Variants in NUP98 observed in about 807,000 individuals in gnomAD.
NUP98 encodes nucleoporin 98 and 96 precursor.
A neutral mutation model predicts 191.9 loss-of-function variants in NUP98; 26 were observed. The ratio of observed to expected loss-of-function variants is 0.14; its 90% CI spans 0.10 to 0.19. The LOEUF is 0.19. Among genes scored for constraint, NUP98 ranks in the 10% least tolerant of loss-of-function variants. NUP98 has a pLI of 1.00. For missense variants in NUP98, 1,941 were observed against 2,178.8 expected (o/e 0.89, Z 2.17); for synonymous variants, 808 against 778.4 (o/e 1.04, Z -0.63).
intron 25 of NUP98, among the ~76,000 whole-genome samples, chr11:3,697,872 A>G (rs142355310): frequency 9.6e-4 from 145 of 151,528 alleles, no homozygotes; most frequent in African/African-American, 3.4e-3. Flanking sequence ...GTCATTAAGT[A>G]CTTGCTGAAT....
chr11:3,781,085 C>T (rs2133945655), intron 2 of NUP98, among the ~76,000 whole-genome samples: 1 of 148,236 alleles, frequency 6.7e-6, no homozygotes, highest in Admixed American at 6.9e-5. Context: ...ACTTAGGAGG[C>T]TGAGGTATGA....
rs185329680 is a variant in NUP98 at position 3,758,416 on chromosome 11, G to C, written c.1174+2123C>G. The stretch of plus-strand genomic sequence containing the variant: ...TAGTCTACAAACGGTCCATGGGGAA[G>C]GGTAAGTGATAATAGAAAAGGTTGA... On this transcript the variant is annotated intron_variant, in intron 10 of 32. Transcript: ENST00000324932. Among the ~76,000 whole-genome samples, 42 of 152,264 alleles carry C rather than the reference G, an allele frequency of 2.8e-4. No homozygotes were observed. The South Asian group carries it at 7.7e-3, about 28-fold the overall frequency.
chr11:3,694,672 G>A (rs560876837), intron 26 of NUP98, among the ~76,000 whole-genome samples: 3 of 151,876 alleles, frequency 2.0e-5, no homozygotes, highest in African/African-American at 4.8e-5. Context: ...CTTGGGAGGC[G>A]GAGCTTGCAG....
intron 1 of NUP98, among the ~76,000 whole-genome samples, chr11:3,794,959 A>T (rs915373409): frequency 6.6e-6 from 1 of 152,196 alleles, no homozygotes; most frequent in Admixed American, 6.5e-5. Flanking sequence ...CTAACCTTTC[A>T]ACAAATTACA....
chr11:3,697,379 TG>T (rs1176597302), intron 25 of NUP98: 1 of 152,232 alleles, frequency 6.6e-6, no homozygotes, highest in Non-Finnish European at 1.5e-5. Context: ...ATCCCAAAAG[TG>T]GCAAAACTCT....
At chr11:3,751,536 T>C (rs2080752418) in intron 11 of NUP98, among the ~76,000 whole-genome samples, 1 of 152,170 alleles carries the variant, frequency 6.6e-6, no homozygotes, top group Non-Finnish European at 1.5e-5. Context: ...AATTTCTGAA[T>C]TGTTAAAAAC....
intron 15 of NUP98, among the ~76,000 whole-genome samples, chr11:3,724,054 T>C (rs941521001): frequency 1.3e-5 from 2 of 151,920 alleles, no homozygotes; most frequent in African/African-American, 4.8e-5. Context: ...TGGAAAGGCA[T>C]TTCTAATAAA....
intron 10 of NUP98, among the ~76,000 whole-genome samples, chr11:3,758,173 T>C (rs1210109852): frequency 1.3e-5 from 2 of 151,468 alleles, no homozygotes; most frequent in African/African-American, 4.8e-5. Context: ...AAGAAAAAAT[T>C]AGCCGGGGGT....
rs397752128 is a variant in NUP98, at chr11:3,768,776, G to T, written c.785-32C>A. The stretch of plus-strand genomic sequence containing the variant: ...GGAAAAAGAAAAAAAAAAGAAAAAA[G>T]AAATAATAAAAAAAATGTAAACACC... On this transcript the variant is annotated intron_variant, in intron 7 of 32. Transcript: ENST00000324932. 4.2e-6 allele frequency: 6 copies of T among 1,430,960 alleles called. No individual in the cohort carries two copies. In the African/African-American group the frequency reaches 4.4e-5, roughly 11 times the overall value. 88.6% of individuals were successfully genotyped at this position (1,430,960 alleles called of 1,614,324 possible). A position where few individuals can be genotyped will look rare whatever the true frequency, so the allele number is the denominator to read the frequency against.
chr11:3,751,488 A>C (rs1277390672), intron 11 of NUP98, among the ~76,000 whole-genome samples: 2 of 152,180 alleles, frequency 1.3e-5, no homozygotes, highest in Admixed American at 6.5e-5. Flanking sequence ...AAACAACCCT[A>C]ATCATTTCAC....
chr11:3,739,050 A>C (rs2080181348), intron 12 of NUP98, among the ~76,000 whole-genome samples: 1 of 152,156 alleles, frequency 6.6e-6, no homozygotes, highest in Non-Finnish European at 1.5e-5. Context: ...TCTAAAAGTA[A>C]ATACAATTAC....
At chr11:3,682,871 TG>T (rs1348466508) in intron 30 of NUP98, among the ~76,000 whole-genome samples, 3 of 152,104 alleles carry the variant, frequency 2.0e-5, no homozygotes, top group Admixed American at 2.0e-4. Flanking sequence ...CAATGGAAAA[TG>T]TGAAGAATTT....
At chr11:3,792,031 T>C (rs1365177303) in intron 1 of NUP98, among the ~76,000 whole-genome samples, 1 of 149,240 alleles carries the variant, frequency 6.7e-6, no homozygotes, top group Non-Finnish European at 1.5e-5. Flanking sequence ...TACAAAAAAT[T>C]AGCCGGGCAT....
chr11:3,738,720 G>A (rs2080166897), intron 12 of NUP98, among the ~76,000 whole-genome samples: 1 of 138,438 alleles, frequency 7.2e-6, no homozygotes, highest in African/African-American at 2.6e-5. Context: ...AGAGGCTGCA[G>A]TGAGCCAAGA....
chr11:3,689,857 G>A (rs959497591), intron 28 of NUP98, among the ~76,000 whole-genome samples: 3 of 150,976 alleles, frequency 2.0e-5, no homozygotes, highest in African/African-American at 7.3e-5. Flanking sequence ...GGCTGGCCTC[G>A]AACTCCTGGG....
chr11:3,723,513 A>G, intron 15 of NUP98, 58 bp from the exon 16 acceptor site: 1 of 1,440,606 alleles, frequency 6.9e-7, no homozygotes, highest in Non-Finnish European at 9.6e-7. Context: ...CAATGATAAT[A>G]GCTAACTAAT....
At chr11:3,694,036 G>A (rs2134069187) in intron 26 of NUP98, among the ~76,000 whole-genome samples, 1 of 150,064 alleles carries the variant, frequency 6.7e-6, no homozygotes, top group Non-Finnish European at 1.5e-5. Context: ...TTCCAGACCA[G>A]CCTGGCCAAC....
In NUP98 at chr11:3,725,135, A is replaced by C; in HGVS notation, c.1815T>G (p.Ala605=). ...CATTTTCTGGATATTCAGATGGTGA[A>C]GCTAGATTTTCTGAATCACGATTAA... ...SPVNRDSENL[A]SPSEYPENGE... is the part of the protein sequence containing the mutation. The change falls in exon 15 of 33, where the codon GCT becomes GCG. Residue 605 remains alanine, a synonymous_variant. Coordinates refer to ENST00000324932, the MANE Select transcript of NUP98 (RefSeq NM_016320.5). 6.3e-7 allele frequency: 1 copy of C among 1,590,792 alleles called. No individual in the cohort carries two copies. Among genetic ancestry groups the C allele is most frequent in the Non-Finnish European group, 8.6e-7 (1 of 1,159,614 alleles).
intron 30 of NUP98, among the ~76,000 whole-genome samples, chr11:3,680,941 G>A (rs1221640842): frequency 6.6e-6 from 1 of 152,068 alleles, no homozygotes; most frequent in South Asian, 2.1e-4. Context: ...GCTCACTGCA[G>A]CCTCAACCTC....
Sources: gnomAD v4.1 joint callset for allele counts (sites outside exome capture counted in the v4.1 genomes callset) on GRCh38, gnomAD v4.1.1 for gene constraint, MANE v1.5 for transcripts, NCBI Gene and HGNC (gene_info 2026-07-23, HGNC 2026-07-21) for gene names.